SPHKAP: variants seen among roughly 807,000 people sequenced by gnomAD.
SPHKAP encodes the protein SPHK1 interactor, AKAP domain containing.
A neutral mutation model predicts 137.5 loss-of-function variants in SPHKAP; 67 were observed. That is an observed-to-expected ratio of 0.49 (90% confidence interval 0.40 to 0.60). The LOEUF (loss-of-function observed/expected upper bound fraction) is 0.60, where lower values mean the gene tolerates loss of function less well. Ranked by LOEUF, SPHKAP falls within the 20% of genes least tolerant of loss-of-function variation. The pLI, the probability that SPHKAP is intolerant of heterozygous loss-of-function variation, is 0.00. For missense variants in SPHKAP, 2,097 were observed against 2,069.3 expected (o/e 1.01, Z -0.26); for synonymous variants, 813 against 785.3 (o/e 1.04, Z -0.59).
chr2:228,141,015 A>C (rs4519515), intron 1 of SPHKAP, among the ~76,000 whole-genome samples: 114,156 of 152,066 alleles, frequency 0.75, 42,994 homozygotes, highest in East Asian at 0.78. Context: ...CAGCCTAATA[A>C]GACAAGATTA....
chr2:228,034,446 G>A (rs1168496815), intron 3 of SPHKAP, among the ~76,000 whole-genome samples: 1 of 152,094 alleles, frequency 6.6e-6, no homozygotes, highest in Non-Finnish European at 1.5e-5. Context: ...AATTCTACCA[G>A]AGGTACAAGG....
chr2:228,078,860 C>G (rs1444375865), intron 3 of SPHKAP, among the ~76,000 whole-genome samples: 1 of 152,052 alleles, frequency 6.6e-6, no homozygotes, highest in African/African-American at 2.4e-5. Flanking sequence ...AAAACCAGGC[C>G]CCTCCAAGTA....
intron 9 of SPHKAP, chr2:227,991,649 T>C (rs1693418414): frequency 2.0e-6 from 2 of 985,460 alleles, no homozygotes; most frequent in East Asian, 1.1e-4. Context: ...GTTTAAACAA[T>C]GAAAGAGAGA....
chr2:228,166,773 A>G (rs752187503), intron 1 of SPHKAP, among the ~76,000 whole-genome samples: 12 of 152,192 alleles, frequency 7.9e-5, no homozygotes, highest in Non-Finnish European at 1.6e-4. Flanking sequence ...TTGCATTGCT[A>G]TGAAGAAATA....
chr2:228,090,540 G>T (rs1332358630), intron 3 of SPHKAP, among the ~76,000 whole-genome samples: 5 of 152,114 alleles, frequency 3.3e-5, no homozygotes, highest in African/African-American at 1.2e-4. Flanking sequence ...AAGGATATGA[G>T]ATTTTGGGGG....
At chr2:228,062,421 A>T (rs1161417586) in intron 3 of SPHKAP, among the ~76,000 whole-genome samples, 1 of 151,790 alleles carries the variant, frequency 6.6e-6, no homozygotes, top group Non-Finnish European at 1.5e-5. Flanking sequence ...GAGCCACCAC[A>T]CCCGGCCTCC....
chr2:228,092,762 C>A (rs892202781), intron 3 of SPHKAP, among the ~76,000 whole-genome samples: 1 of 151,440 alleles, frequency 6.6e-6, no homozygotes, highest in African/African-American at 2.4e-5. Context: ...TCACAGCAAC[C>A]TGGATGGAAC....
At chr2:228,047,750 T>C (rs941850180) in intron 3 of SPHKAP, among the ~76,000 whole-genome samples, 2 of 152,162 alleles carry the variant, frequency 1.3e-5, no homozygotes, top group Admixed American at 6.5e-5. Flanking sequence ...GCTAAACTAG[T>C]CTAACTGTTT....
chr2:228,054,907 G>A (rs749513245), intron 3 of SPHKAP, among the ~76,000 whole-genome samples: 5 of 151,942 alleles, frequency 3.3e-5, no homozygotes, highest in Non-Finnish European at 7.4e-5. Flanking sequence ...TTGGGAGGCT[G>A]GGCAGGAAGA....
At chr2:228,131,625 G>T in intron 2 of SPHKAP, 1 of 293,130 alleles carries the variant, frequency 3.4e-6, no homozygotes, top group Non-Finnish European at 5.1e-6. Flanking sequence ...CTTAGATACA[G>T]ATTTAGTAAC....
chr2:228,139,387 C>T (rs934172322), intron 1 of SPHKAP, among the ~76,000 whole-genome samples: 2 of 151,986 alleles, frequency 1.3e-5, no homozygotes, highest in Non-Finnish European at 2.9e-5. Flanking sequence ...AAAAGACAAT[C>T]AAATAGTAAA....
intron 6 of SPHKAP, 193 bp from the exon 7 acceptor site, chr2:228,020,349 A>G (rs1694791431): frequency 3.5e-6 from 1 of 289,108 alleles, no homozygotes; most frequent in Admixed American, 6.5e-5. Context: ...TGGATTAAGA[A>G]AATGTGGTAC....
At chr2:227,988,160 T>C (rs545628273) in intron 11 of SPHKAP, among the ~76,000 whole-genome samples, 51 of 152,138 alleles carry the variant, frequency 3.4e-4, no homozygotes, top group Admixed American at 1.4e-3. Flanking sequence ...AGAAAGATTA[T>C]CAAAATGTTG....
rs1158540754 is a variant in SPHKAP at position 228,027,548 on chromosome 2, G to C, written c.247-5C>G. On this transcript the variant is annotated splice_region_variant and splice_polypyrimidine_tract_variant and intron_variant, in intron 3 of 11. Coordinates refer to ENST00000392056, the MANE Select transcript of SPHKAP (RefSeq NM_001142644.2). ...ATCAAGATTCACAAAGCAGACCTGGGAAAAGAGGGCAAAAATAGTACGTTA... is the reference window on the plus strand; with the variant it reads ...ATCAAGATTCACAAAGCAGACCTGGCAAAAGAGGGCAAAAATAGTACGTTA... 6.2e-7 allele frequency: 1 copy of C among 1,613,630 alleles called. No homozygotes were observed. The highest frequency in any genetic ancestry group is 8.5e-7 in the Non-Finnish European group (1 of 1,179,898).
chr2:228,108,307 T>C (rs1698405847), intron 3 of SPHKAP, among the ~76,000 whole-genome samples: 1 of 152,226 alleles, frequency 6.6e-6, no homozygotes, highest in African/African-American at 2.4e-5. Context: ...TCTGGAAGAA[T>C]ATCTTTTCCC....
intron 1 of SPHKAP, among the ~76,000 whole-genome samples, chr2:228,135,655 C>T (rs1312562421): frequency 2.6e-5 from 4 of 151,928 alleles, no homozygotes; most frequent in East Asian, 1.9e-4. Flanking sequence ...TTTTTGCTTG[C>T]CTGCAAGGCT....
At chr2:228,068,040 A>G (rs975091396) in intron 3 of SPHKAP, among the ~76,000 whole-genome samples, 1 of 152,210 alleles carries the variant, frequency 6.6e-6, no homozygotes, top group African/African-American at 2.4e-5. Flanking sequence ...TGCAGGACAC[A>G]AAATCAACAC....
intron 6 of SPHKAP, among the ~76,000 whole-genome samples, chr2:228,020,484 C>T (rs968806585): frequency 7.9e-5 from 12 of 152,074 alleles, no homozygotes; most frequent in South Asian, 2.1e-4. Context: ...AACCAAACAC[C>T]GCATGTTCTC....
At chr2:227,995,361 G>T in intron 8 of SPHKAP, 148 bp downstream of exon 8, 2 of 874,454 alleles carry the variant, frequency 2.3e-6, no homozygotes, top group Non-Finnish European at 3.6e-6. Context: ...ATCATGACAG[G>T]CAGGCCCCTC....
Sources: allele counts gnomAD v4.1 joint callset (sites outside exome capture counted in the v4.1 genomes callset), GRCh38; gene constraint gnomAD v4.1.1; transcripts MANE v1.5; gene names NCBI Gene and HGNC (gene_info 2026-07-23, HGNC 2026-07-21).